The following RNF217 variants were observed in gnomAD, a reference collection of about 807,000 sequenced individuals.
RNF217 encodes ring finger protein 217.
Under a neutral mutation model 57.8 loss-of-function variants are expected in RNF217, and 31 were observed. The observed-to-expected ratio is 0.54, with a 90% CI of 0.40 to 0.72. The LOEUF is 0.72. Ranked by LOEUF, RNF217 falls within the 30% of genes least tolerant of loss-of-function variation. The pLI is 0.00. For synonymous variants in RNF217, 313 were observed against 294.0 expected (o/e 1.06, Z -0.66); for missense variants, 696 against 708.3 (o/e 0.98, Z 0.20).
At chr6:125,044,665 A>G (rs1394854099) in intron 1 of RNF217, among the ~76,000 whole-genome samples, 1 of 152,128 alleles carries the variant, frequency 6.6e-6, no homozygotes, top group Non-Finnish European at 1.5e-5. Context: ...CTTAACACAG[A>G]AGGGTCAGAG....
chr6:125,057,293 C>T (rs1284910365), intron 2 of RNF217, among the ~76,000 whole-genome samples: 4 of 152,070 alleles, frequency 2.6e-5, no homozygotes, highest in Admixed American at 1.3e-4. Context: ...TGTCATGTCT[C>T]GTGTCATCCT....
chr6:125,041,624 G>C (rs1038327069), intron 1 of RNF217, among the ~76,000 whole-genome samples: 1 of 151,966 alleles, frequency 6.6e-6, no homozygotes, highest in Non-Finnish European at 1.5e-5. Context: ...TTTGTTTGCT[G>C]TCTCTTCCCC....
chr6:125,031,277 T>C (rs891836991), intron 1 of RNF217, among the ~76,000 whole-genome samples: 3 of 152,248 alleles, frequency 2.0e-5, no homozygotes, highest in Non-Finnish European at 4.4e-5. Context: ...GGAGATATTT[T>C]ACTCATGATC....
chr6:125,082,317 T>A, intron 5 of RNF217: 1 of 892,954 alleles, frequency 1.1e-6, no homozygotes, highest in Non-Finnish European at 1.6e-6. Flanking sequence ...TAAAATGATT[T>A]TCGTATGTCA....
At chr6:125,048,877 T>C (rs1787198144) in intron 2 of RNF217, among the ~76,000 whole-genome samples, 1 of 152,026 alleles carries the variant, frequency 6.6e-6, no homozygotes, top group Non-Finnish European at 1.5e-5. Flanking sequence ...AGCTTTATAT[T>C]ATGTTCTGAA....
At chr6:125,019,212 C>G (rs551777748) in intron 1 of RNF217, among the ~76,000 whole-genome samples, 50 of 152,208 alleles carry the variant, frequency 3.3e-4, no homozygotes, top group African/African-American at 1.2e-3. Flanking sequence ...TTTGAAAATC[C>G]CTTCCTTTGA....
At chr6:125,011,344 C>T (rs1444438251) in intron 1 of RNF217, among the ~76,000 whole-genome samples, 2 of 152,100 alleles carry the variant, frequency 1.3e-5, no homozygotes, top group African/African-American at 4.8e-5. Context: ...TCTTTTATTA[C>T]AGCCTGACAA....
At chr6:125,023,229 A>T (rs919670495) in intron 1 of RNF217, among the ~76,000 whole-genome samples, 1 of 152,172 alleles carries the variant, frequency 6.6e-6, no homozygotes, top group Non-Finnish European at 1.5e-5. Context: ...TGTGTAAAGT[A>T]TGTCCTGGGT....
intron 2 of RNF217, 135 bp downstream of exon 2, chr6:125,045,579 T>C: frequency 1.6e-6 from 1 of 635,618 alleles, no homozygotes; most frequent in South Asian, 2.0e-5. Context: ...GCCATCATTC[T>C]GAAAGCATAT....
chr6:125,015,498 T>C (rs1282064129), intron 1 of RNF217, among the ~76,000 whole-genome samples: 1 of 152,088 alleles, frequency 6.6e-6, no homozygotes, highest in East Asian at 1.9e-4. Context: ...AATAGTAGGA[T>C]GCCTGTATAT....
At chr6:124,990,359 TCAGA>T (rs1329813455) in intron 1 of RNF217, among the ~76,000 whole-genome samples, 1 of 152,218 alleles carries the variant, frequency 6.6e-6, no homozygotes, top group Admixed American at 6.5e-5. Context: ...TATCCCGAGC[TCAGA>T]CAGTTTCATG....
intron 3 of RNF217, among the ~76,000 whole-genome samples, chr6:125,071,782 A>G (rs1359255336): frequency 5.3e-5 from 8 of 152,202 alleles, no homozygotes; most frequent in African/African-American, 1.7e-4. Flanking sequence ...AGAAGAAACT[A>G]TGAGTACTAA....
chr6:125,051,228 A>T (rs1241932541), intron 2 of RNF217, among the ~76,000 whole-genome samples: 1 of 152,102 alleles, frequency 6.6e-6, no homozygotes, highest in East Asian at 1.9e-4. Flanking sequence ...CAAATCTTGC[A>T]GCTAGGATAA....
intron 1 of RNF217, among the ~76,000 whole-genome samples, chr6:125,007,421 A>G (rs1785232861): frequency 6.6e-6 from 1 of 151,512 alleles, no homozygotes; most frequent in Admixed American, 6.6e-5. Flanking sequence ...AATTTTTTGT[A>G]TTTTGAGTGG....
intron 1 of RNF217, chr6:125,009,407 T>G (rs568684910): frequency 1.6e-6 from 1 of 606,958 alleles, no homozygotes; most frequent in Non-Finnish European, 3.0e-6. Context: ...TTTTTCACTT[T>G]CCTTGAGTAT....
chr6:125,077,044 T>A (rs537395897), intron 4 of RNF217, among the ~76,000 whole-genome samples, 186 bp downstream of exon 4: 2 of 152,318 alleles, frequency 1.3e-5, no homozygotes, highest in East Asian at 3.9e-4. Flanking sequence ...ACTACTTATA[T>A]GAGCAAGTAG....
Position 125,092,080 on chromosome 6 carries a change from AG to A in RNF217, c.*9145del, listed in dbSNP as rs1788971379. 2 of 152,176 alleles carry A rather than the reference AG, an allele frequency of 1.3e-5. No individual in the cohort carries two copies. The highest frequency in any genetic ancestry group is 4.8e-5 in the African/African-American group (2 of 41,450). 9.4% of individuals were successfully genotyped at this position (152,176 alleles called of 1,614,324 possible). A position where few individuals can be genotyped will look rare whatever the true frequency, so the allele number is the denominator to read the frequency against. On this transcript the variant is annotated 3_prime_UTR_variant, in exon 6 of 6. Transcript: ENST00000521654. The stretch of plus-strand genomic sequence containing the variant: ...GTAAATATTTGACAAAGAAAAAAAA[AG>A]GAAAAGAATCTTCCTGCCAACAGGT...
chr6:125,001,292 G>A (rs1784971941), intron 1 of RNF217, among the ~76,000 whole-genome samples: 1 of 152,084 alleles, frequency 6.6e-6, no homozygotes, highest in Non-Finnish European at 1.5e-5. Flanking sequence ...GTTTTTGTGT[G>A]TTTGTTCTCC....
At chr6:124,983,033 G>C (rs977132069) in intron 1 of RNF217, among the ~76,000 whole-genome samples, 1 of 152,142 alleles carries the variant, frequency 6.6e-6, no homozygotes, top group Non-Finnish European at 1.5e-5. Context: ...ACTTCATAGA[G>C]TAATTTGTTT....
Sources: allele counts gnomAD v4.1 joint callset (sites outside exome capture counted in the v4.1 genomes callset), GRCh38; gene constraint gnomAD v4.1.1; transcripts MANE v1.5; gene names NCBI Gene and HGNC (gene_info 2026-07-23, HGNC 2026-07-21).